Variants in AOPEP observed in about 807,000 individuals in gnomAD.
The protein encoded by AOPEP is aminopeptidase O (putative).
AOPEP carries 77 observed loss-of-function variants against 98.1 expected under a neutral mutation model. The ratio of observed to expected loss-of-function variants is 0.78; its 90% CI spans 0.65 to 0.95. The LOEUF is 0.95. Among genes scored for constraint, AOPEP ranks in the 40% least tolerant of loss-of-function variants. AOPEP has a pLI of 0.00. For missense variants in AOPEP, 1,024 were observed against 1,024.7 expected, an observed-to-expected ratio of 1.00 and a Z score of 0.01; for synonymous variants, 346 against 365.3, an observed-to-expected ratio of 0.95 and a Z score of 0.60.
intron 13 of AOPEP, among the ~76,000 whole-genome samples, chr9:95,042,329 T>C (rs2065400808): frequency 6.6e-6 from 1 of 150,796 alleles, no homozygotes; most frequent in African/African-American, 2.4e-5. Flanking sequence ...AATAAATAAA[T>C]AAATAAATAA....
intron 5 of AOPEP, among the ~76,000 whole-genome samples, chr9:94,876,556 G>A (rs1232311210): frequency 2.6e-5 from 4 of 151,960 alleles, no homozygotes; most frequent in Admixed American, 6.6e-5. Flanking sequence ...TAGTAGAGAC[G>A]AGGTTTCACC....
intron 5 of AOPEP, among the ~76,000 whole-genome samples, chr9:94,814,504 C>G (rs1482272025): frequency 2.0e-5 from 3 of 152,224 alleles, no homozygotes; most frequent in Admixed American, 2.0e-4. Context: ...TTTAGTGGGA[C>G]TGCATACAAG....
the AOPEP span, chr9:95,107,365 C>T: frequency 3.2e-5 from 43 of 1,346,756 alleles, no homozygotes; most frequent in Middle Eastern, 7.5e-4. Context: ...CCCCCAGAAA[C>T]GGGTAAGCAC....
intron 1 of AOPEP, among the ~76,000 whole-genome samples, chr9:94,748,010 A>G (rs1834903194): frequency 1.3e-5 from 2 of 152,234 alleles, no homozygotes; most frequent in African/African-American, 4.8e-5. Context: ...GCCTCTAGTC[A>G]TTCAAAACTT....
chr9:94,731,352 C>T lies in AOPEP; in HGVS notation c.-136+4601C>T, dbSNP rs140257693. Among the ~76,000 whole-genome samples, 842 of 152,012 alleles carry T rather than the reference C, an allele frequency of 5.5e-3. 12 individuals are homozygous for T. The highest frequency in any genetic ancestry group is 0.044 in the South Asian group (211 of 4,810). Reference sequence around the variant, plus strand: ...ACGCCATTCACCTGCCTCAGCCTCCCGAGTAGCTGGGACTACAGGCGTCCG... The same window carrying T: ...ACGCCATTCACCTGCCTCAGCCTCCTGAGTAGCTGGGACTACAGGCGTCCG... On this transcript the variant is annotated intron_variant, in intron 1 of 16. Transcript: ENST00000375315.
chr9:95,118,131 G>C, the AOPEP span, among the ~76,000 whole-genome samples: 1 of 152,078 alleles, frequency 6.6e-6, no homozygotes, highest in Non-Finnish European at 1.5e-5. Context: ...TGATTCTCCT[G>C]CCTCAGCCTC....
the AOPEP span, chr9:95,125,192 A>G: frequency 6.2e-7 from 1 of 1,610,602 alleles, no homozygotes. Context: ...ACACCTGAAC[A>G]ATGCAAAGTC....
intron 2 of AOPEP, chr9:94,760,818 G>A: frequency 2.7e-6 from 1 of 366,282 alleles, no homozygotes; most frequent in Non-Finnish European, 4.9e-6. Flanking sequence ...CCCTATTTCT[G>A]AGTTAAGAGA....
intron 5 of AOPEP, among the ~76,000 whole-genome samples, chr9:94,908,865 C>T (rs886537490): frequency 4.6e-5 from 7 of 152,220 alleles, no homozygotes; most frequent in Admixed American, 6.5e-5. Context: ...CTGCAAATCT[C>T]GTCACTGATA....
At chr9:94,784,474 A>C (rs1843970739) in intron 3 of AOPEP, among the ~76,000 whole-genome samples, 1 of 152,216 alleles carries the variant, frequency 6.6e-6, no homozygotes, top group Non-Finnish European at 1.5e-5. Context: ...CTCTTCACTG[A>C]GAATTATTCT....
rs561843943 is a variant in AOPEP, at chr9:95,006,398, T to C, written c.2115+782T>C. On this transcript the variant is annotated intron_variant, in intron 13 of 16. Transcript: ENST00000375315. ...TGTGTTTTTCTGCTGCTAGAATGTA[T>C]GATGAATCACTCTTGATTCTGAAGC... Among the ~76,000 whole-genome samples, 20 of 152,356 alleles carry C rather than the reference T, an allele frequency of 1.3e-4. No individual in the cohort carries two copies. In the South Asian group the frequency reaches 4.1e-3, roughly 32 times the overall value.
chr9:94,954,280 C>T (rs907636735), intron 7 of AOPEP, among the ~76,000 whole-genome samples: 2 of 152,124 alleles, frequency 1.3e-5, no homozygotes, highest in African/African-American at 2.4e-5. Context: ...GCCAAGATCG[C>T]ACCACTGCGC....
At chr9:94,788,250 A>AT (rs895648308) in intron 3 of AOPEP, among the ~76,000 whole-genome samples, 2 of 150,966 alleles carry the variant, frequency 1.3e-5, no homozygotes, top group Admixed American at 6.6e-5. Flanking sequence ...ATAAAAAAAA[A>AT]TTTTTTTTTG....
chr9:94,816,692 G>A (rs1851770147), intron 5 of AOPEP, among the ~76,000 whole-genome samples: 1 of 152,160 alleles, frequency 6.6e-6, no homozygotes, highest in Non-Finnish European at 1.5e-5. Flanking sequence ...GGAGTTGGAG[G>A]TGGAATTGGG....
intron 5 of AOPEP, among the ~76,000 whole-genome samples, chr9:94,882,132 C>A (rs557264597): frequency 6.6e-6 from 1 of 152,276 alleles, no homozygotes; most frequent in Admixed American, 6.5e-5. Flanking sequence ...TGATCACAAG[C>A]TCTTACTTTG....
rs191908068 is a variant in AOPEP, at chr9:95,046,744, T to G, written c.2116-13950T>G. Among the ~76,000 whole-genome samples, 31 of 152,340 alleles carry G rather than the reference T, an allele frequency of 2.0e-4. No individual in the cohort carries two copies. In the East Asian group the frequency reaches 4.6e-3, roughly 23 times the overall value. ...AGTTGCTCACCGTGTTTATTTCATC[T>G]GCAGAACAAGTGTTTGGGAGTCATT... On this transcript the variant is annotated intron_variant, in intron 13 of 16. Coordinates refer to ENST00000375315, the MANE Select transcript of AOPEP (RefSeq NM_001193329.3).
At chr9:95,148,025 G>A in the AOPEP span, among the ~76,000 whole-genome samples, 1 of 152,068 alleles carries the variant, frequency 6.6e-6, no homozygotes, top group East Asian at 1.9e-4. Flanking sequence ...TGCACTGATA[G>A]CGCAAAAGCA....
At chr9:95,130,279 A>G in the AOPEP span, among the ~76,000 whole-genome samples, 1 of 149,310 alleles carries the variant, frequency 6.7e-6, no homozygotes, top group Non-Finnish European at 1.5e-5. Flanking sequence ...TCATTTGCTG[A>G]TTCTGTGTGT....
intron 5 of AOPEP, among the ~76,000 whole-genome samples, chr9:94,879,010 T>G (rs1025594623): frequency 6.6e-6 from 1 of 152,210 alleles, no homozygotes; most frequent in Admixed American, 6.5e-5. Context: ...GCTGTCTTCT[T>G]GTGCTGAGTC....
Sources: allele counts gnomAD v4.1 joint callset (sites outside exome capture counted in the v4.1 genomes callset), GRCh38; gene constraint gnomAD v4.1.1; transcripts MANE v1.5; gene names NCBI Gene and HGNC (gene_info 2026-07-23, HGNC 2026-07-21).